REEP1: variants seen among roughly 807,000 people sequenced by gnomAD.
REEP1 encodes the protein receptor accessory protein 1.
A neutral mutation model predicts 40.3 loss-of-function variants in REEP1; 22 were observed. The observed-to-expected ratio is 0.55, with a 90% CI of 0.39 to 0.78. REEP1 has a LOEUF of 0.78. REEP1 is among the 30% of genes least tolerant of loss of function. The pLI is 0.00. For synonymous variants in REEP1, 116 were observed against 139.2 expected, an observed-to-expected ratio of 0.83 and a Z score of 1.17; for missense variants, 280 against 361.1, an observed-to-expected ratio of 0.78 and a Z score of 1.82.
In REEP1 at chr2:86,234,186, A is replaced by AG. The variant is rs1169049240; in HGVS notation, c.418-1385dup. ...ACGCAAAATGAGTTCATTAGAGGGG[A>AG]GGGGGAAAAAAAGGGGCTTGCAGTC... On this transcript the variant is annotated intron_variant, in intron 5 of 8. Coordinates refer to ENST00000538924, the MANE Select transcript of REEP1 (RefSeq NM_001371279.1). 2.0e-5 allele frequency among the ~76,000 whole-genome samples: 3 copies of AG among 151,692 alleles called. 1 individual carries two copies. Among genetic ancestry groups the AG allele is most frequent in the South Asian group, 4.2e-4 (2 of 4,818 alleles).
chr2:86,253,692 T>C (rs765496295), intron 4 of REEP1, among the ~76,000 whole-genome samples: 17 of 152,324 alleles, frequency 1.1e-4, no homozygotes, highest in Non-Finnish European at 1.2e-4. Flanking sequence ...CAGGAAGTGC[T>C]GCGGTCCGAG....
chr2:86,221,913 C>T (rs1674451147), intron 7 of REEP1, among the ~76,000 whole-genome samples: 1 of 152,164 alleles, frequency 6.6e-6, no homozygotes, highest in Admixed American at 6.5e-5. Context: ...GCAAAAACTG[C>T]AGAAGCAGCC....
intron 1 of REEP1, among the ~76,000 whole-genome samples, chr2:86,334,219 C>T (rs866615842): frequency 2.0e-5 from 3 of 152,212 alleles, no homozygotes; most frequent in Non-Finnish European, 4.4e-5. Flanking sequence ...CACTGGCTGG[C>T]TGTCCCTGGA....
At chr2:86,286,021 C>T (rs1003074153) in intron 1 of REEP1, among the ~76,000 whole-genome samples, 1 of 152,162 alleles carries the variant, frequency 6.6e-6, no homozygotes, top group Non-Finnish European at 1.5e-5. Context: ...GCTCTGCGCC[C>T]ACCCTCTCTT....
rs764497018 is a variant in REEP1 at position 86,232,714 on chromosome 2, C to T, written c.506G>A (p.Gly169Asp). The change falls in exon 6 of 9, where the codon GGC becomes GAC. Residue 169 changes from glycine to aspartate, a missense_variant. By Grantham distance (94) the Gly-to-Asp change is moderately conservative. Around this residue, in one of 3 missense-constraint regions of REEP1, gnomAD observed 201 missense variants for 238.5 expected, o/e 0.84. Transcript: ENST00000538924. ...CCGCCCAGACCCCGGTGGTGGGGGG[C>T]CCGAGGGAGCAGGGGCGCCGTCTCC... ...IRGDGAPAPS[G>D]PPPPGSGRAS... 1.2e-6 allele frequency: 2 copies of T among 1,610,430 alleles called. No homozygotes were observed. The highest frequency in any genetic ancestry group is 4.5e-5 in the East Asian group (2 of 44,876).
rs552481812 is a variant in REEP1 at position 86,299,372 on chromosome 2, C to T, written c.33-17130G>A. 1.6e-4 allele frequency among the ~76,000 whole-genome samples: 25 copies of T among 152,350 alleles called. No homozygotes were observed. The South Asian group carries it at 5.2e-3, about 32-fold the overall frequency. On this transcript the variant is annotated intron_variant, in intron 1 of 8. Transcript: ENST00000538924. ...GGGCTTTAACTATTAGATGACCCCACTCCAAGTGTGGCAACCAAAAACATC... is the reference window on the plus strand; with the variant it reads ...GGGCTTTAACTATTAGATGACCCCATTCCAAGTGTGGCAACCAAAAACATC...
intron 1 of REEP1, among the ~76,000 whole-genome samples, chr2:86,291,166 A>G (rs1863064): frequency 0.87 from 132,742 of 152,184 alleles, 58,326 homozygotes; most frequent in East Asian, 0.96. Flanking sequence ...CTGCTATGAC[A>G]CACTGCCTTC....
upstream of REEP1, chr2:86,337,703 C>G (rs1323907264): frequency 1.0e-6 from 1 of 979,132 alleles, no homozygotes; most frequent in Non-Finnish European, 1.2e-6. The surrounding 1 kb of genome is among the most constrained non-coding windows in gnomAD (Gnocchi z 5.8). Context: ...GGCGGCGGCC[C>G]CAGCCCCCCG....
At chr2:86,234,338 G>A (rs897282639) in intron 5 of REEP1, among the ~76,000 whole-genome samples, 15 of 151,978 alleles carry the variant, frequency 9.9e-5, no homozygotes, top group African/African-American at 3.6e-4. Flanking sequence ...GGCAACAAGC[G>A]AGACCCTGTA....
At chr2:86,231,240 G>T (rs1166522811) in intron 6 of REEP1, among the ~76,000 whole-genome samples, 4 of 152,120 alleles carry the variant, frequency 2.6e-5, no homozygotes, top group Non-Finnish European at 5.9e-5. Context: ...CCTGGGGGGG[G>T]GTCCCTCGGG....
intron 5 of REEP1, among the ~76,000 whole-genome samples, chr2:86,242,708 G>A (rs1392254155): frequency 6.6e-6 from 1 of 152,200 alleles, no homozygotes; most frequent in Admixed American, 6.5e-5. Flanking sequence ...GAGGTAAGGA[G>A]AGACAAGACT....
In REEP1 at chr2:86,306,839, G is replaced by A. The variant is rs75637397; in HGVS notation, c.33-24597C>T. ...CAGTACTCTGTGTGAAAAGCAACAT[G>A]ATGGCATGTACCAAAAGTCCTTTGA... On this transcript the variant is annotated intron_variant, in intron 1 of 8. Coordinates refer to ENST00000538924, the MANE Select transcript of REEP1 (RefSeq NM_001371279.1). Among the ~76,000 whole-genome samples the A allele has an allele frequency of 3.9e-3, 592 of 151,688 alleles. 4 individuals carry two copies. The highest frequency in any genetic ancestry group is 0.014 in the African/African-American group (560 of 41,316).
intron 1 of REEP1, among the ~76,000 whole-genome samples, chr2:86,298,726 T>TA (rs973003979): frequency 1.3e-5 from 2 of 152,168 alleles, no homozygotes; most frequent in African/African-American, 4.8e-5. Context: ...GCAAAGCTGT[T>TA]ATGGGGCCAG....
At chr2:86,260,682 A>G (rs1676810214) in intron 3 of REEP1, among the ~76,000 whole-genome samples, 1 of 152,334 alleles carries the variant, frequency 6.6e-6, no homozygotes, top group South Asian at 2.1e-4. Flanking sequence ...ATGTGTCAAG[A>G]AAACGGAGAC....
intron 1 of REEP1, among the ~76,000 whole-genome samples, chr2:86,315,442 C>T (rs549613021): frequency 2.6e-4 from 39 of 152,326 alleles, no homozygotes; most frequent in South Asian, 4.1e-4. Flanking sequence ...TCCACCTGTA[C>T]GACTGCTGCA....
chr2:86,328,034 TAGG>T (rs1680596920), intron 1 of REEP1, among the ~76,000 whole-genome samples: 2 of 152,218 alleles, frequency 1.3e-5, no homozygotes, highest in South Asian at 4.2e-4. Flanking sequence ...AAGGCAGAGC[TAGG>T]AGAACTTGCT....
Position 86,265,883 on chromosome 2 carries a change from C to T in REEP1, c.106-1842G>A, listed in dbSNP as rs115851418. ...GTTACACTAAAAGCCCAGACTTCAT[C>T]ACTATGTAATATATCCACGTAACAA... On this transcript the variant is annotated intron_variant, in intron 2 of 8. Coordinates refer to ENST00000538924, the MANE Select transcript of REEP1 (RefSeq NM_001371279.1). Among the ~76,000 whole-genome samples the T allele has an allele frequency of 4.2e-3, 634 of 152,300 alleles. 9 individuals carry two copies. Among genetic ancestry groups the T allele is most frequent in the African/African-American group, 0.015 (610 of 41,544 alleles).
At chr2:86,321,749 C>T (rs1680278828) in intron 1 of REEP1, among the ~76,000 whole-genome samples, 1 of 152,182 alleles carries the variant, frequency 6.6e-6, no homozygotes, top group Admixed American at 6.5e-5. Context: ...TAATATCATT[C>T]ATTATGAAAA....
intron 6 of REEP1, among the ~76,000 whole-genome samples, chr2:86,227,696 C>T (rs1162119326): frequency 6.6e-6 from 1 of 152,232 alleles, no homozygotes; most frequent in South Asian, 2.1e-4. Flanking sequence ...ACTCCAAGCA[C>T]CCCTGCCCAA....
Sources: allele counts gnomAD v4.1 joint callset (sites outside exome capture counted in the v4.1 genomes callset), GRCh38; gene constraint gnomAD v4.1.1; regional missense constraint gnomAD v4.1.1; non-coding constraint Gnocchi (gnomAD v3.1); transcripts MANE v1.5; gene names NCBI Gene and HGNC (gene_info 2026-07-23, HGNC 2026-07-21).